FLT1: variants seen among roughly 807,000 people sequenced by gnomAD.
The protein encoded by FLT1 is fms related receptor tyrosine kinase 1.
FLT1 carries 49 observed loss-of-function variants against 156.3 expected under a neutral mutation model. The observed-to-expected ratio is 0.31, with a 90% CI of 0.25 to 0.40. The LOEUF (loss-of-function observed/expected upper bound fraction) is 0.40, where lower values mean the gene tolerates loss of function less well. Among genes scored for constraint, FLT1 ranks in the 10% least tolerant of loss-of-function variants. FLT1 has a pLI of 1.00. For missense variants in FLT1, 1,322 were observed against 1,637.2 expected (o/e 0.81, Z 3.32); for synonymous variants, 594 against 583.8 (o/e 1.02, Z -0.25).
At chr13:28,307,873 G>A (rs767714813) in intron 28 of FLT1, among the ~76,000 whole-genome samples, 3 of 151,976 alleles carry the variant, frequency 2.0e-5, no homozygotes, top group South Asian at 4.2e-4. Flanking sequence ...CCGGGTTCAC[G>A]CCATTCTCCT....
chr13:28,433,816 C>A lies in FLT1; in HGVS notation c.813+3G>T. ...AGAAGAAATAGAAAAATGGGTCACTCACTTCATCAGGGTAACTCCAGGTCA... is the reference window on the plus strand; with the variant it reads ...AGAAGAAATAGAAAAATGGGTCACTAACTTCATCAGGGTAACTCCAGGTCA... On this transcript the variant is annotated splice_donor_region_variant and intron_variant, in intron 6 of 29. Transcript: ENST00000282397. The A allele has an allele frequency of 6.2e-7, 1 of 1,613,734 alleles. No individual in the cohort carries two copies. The highest frequency in any genetic ancestry group is 1.1e-5 in the South Asian group (1 of 91,064).
chr13:28,316,505 G>T (rs1271418659), intron 25 of FLT1, among the ~76,000 whole-genome samples: 1 of 152,108 alleles, frequency 6.6e-6, no homozygotes, highest in Admixed American at 6.5e-5. Flanking sequence ...CATCCACAAA[G>T]CCCCAGGAAA....
At chr13:28,401,878 A>G (rs988174288) in intron 11 of FLT1, among the ~76,000 whole-genome samples, 2 of 152,238 alleles carry the variant, frequency 1.3e-5, no homozygotes, top group African/African-American at 4.8e-5. Context: ...TTGCTAACAC[A>G]TTAAAATGGT....
chr13:28,310,103 T>C (rs1485844609), intron 27 of FLT1, among the ~76,000 whole-genome samples: 1 of 152,146 alleles, frequency 6.6e-6, no homozygotes, highest in Non-Finnish European at 1.5e-5. Flanking sequence ...TTGGCCAGGC[T>C]GGTCTTGAAC....
chr13:28,387,925 A>G, intron 13 of FLT1: 1 of 1,061,734 alleles, frequency 9.4e-7, no homozygotes, highest in East Asian at 5.1e-5. Context: ...GTAAATACTA[A>G]CATCCTCCCC....
chr13:28,344,022 G>A (rs1296335128), intron 16 of FLT1, among the ~76,000 whole-genome samples: 1 of 143,048 alleles, frequency 7.0e-6, no homozygotes, highest in African/African-American at 2.5e-5. Context: ...CCACCACCCG[G>A]GTCCATTCTT....
intron 1 of FLT1, among the ~76,000 whole-genome samples, chr13:28,482,436 A>G (rs1880913531): frequency 6.6e-6 from 1 of 152,102 alleles, no homozygotes; most frequent in Non-Finnish European, 1.5e-5. Context: ...CTCAAAAAAA[A>G]GCCTGGACAA....
chr13:28,345,213 C>G (rs913006666), intron 16 of FLT1, among the ~76,000 whole-genome samples: 1 of 152,124 alleles, frequency 6.6e-6, no homozygotes, highest in African/African-American at 2.4e-5. Flanking sequence ...TACCTTCTGT[C>G]CCTGAGAAGT....
intron 17 of FLT1, among the ~76,000 whole-genome samples, chr13:28,337,117 G>A (rs2138849070): frequency 6.6e-6 from 1 of 151,466 alleles, no homozygotes. Flanking sequence ...ATTTATAGAA[G>A]CTGAATTCCC....
At chr13:28,384,448 C>CAA (rs79860949) in intron 14 of FLT1, among the ~76,000 whole-genome samples, 904 of 60,214 alleles carry the variant, frequency 0.015, 24 homozygotes, top group African/African-American at 0.047. Flanking sequence ...GACTCCATCT[C>CAA]AAAAAAAAAA....
At chr13:28,451,007 A>G (rs1878900165) in intron 3 of FLT1, among the ~76,000 whole-genome samples, 1 of 152,200 alleles carries the variant, frequency 6.6e-6, no homozygotes, top group Admixed American at 6.5e-5. Context: ...GGGACTAGAA[A>G]TGGGAAGCAA....
chr13:28,309,357 C>CTAA (rs11267512), intron 27 of FLT1, among the ~76,000 whole-genome samples: 1 of 152,016 alleles, frequency 6.6e-6, no homozygotes, highest in African/African-American at 2.4e-5. Flanking sequence ...TATTTAATGG[C>CTAA]ATAATCGAGT....
At chr13:28,413,764 A>G (rs1470318595) in intron 10 of FLT1, among the ~76,000 whole-genome samples, 1 of 152,234 alleles carries the variant, frequency 6.6e-6, no homozygotes, top group East Asian at 1.9e-4. Context: ...CTTCTTATTT[A>G]GTGGTCAATA....
At chr13:28,422,268 T>A (rs899840745) in intron 10 of FLT1, among the ~76,000 whole-genome samples, 1 of 151,566 alleles carries the variant, frequency 6.6e-6, no homozygotes, top group Admixed American at 6.6e-5. Flanking sequence ...AGATAGCTTA[T>A]AAAGAAAACG....
chr13:28,363,652 C>T (rs900367617), intron 14 of FLT1, among the ~76,000 whole-genome samples: 1 of 151,314 alleles, frequency 6.6e-6, no homozygotes, highest in Admixed American at 6.6e-5. Context: ...GTGTTGCTGT[C>T]GCCCAGGCTG....
chr13:28,449,858 G>A (rs1181603127), intron 3 of FLT1, among the ~76,000 whole-genome samples: 1 of 152,198 alleles, frequency 6.6e-6, no homozygotes, highest in African/African-American at 2.4e-5. Flanking sequence ...TATAACAGCA[G>A]ATCGAACAGC....
intron 18 of FLT1, 40 bp downstream of exon 18, chr13:28,333,985 G>T: frequency 8.3e-7 from 1 of 1,207,470 alleles, no homozygotes; most frequent in African/African-American, 1.5e-5. Context: ...AATGCAAAAT[G>T]GTGATGGGTC....
chr13:28,306,623 A>G, intron 29 of FLT1, 55 bp downstream of exon 29: 1 of 1,219,378 alleles, frequency 8.2e-7, no homozygotes, highest in African/African-American at 1.5e-5. Context: ...TTCCCCCAGC[A>G]TCTCCCCTCG....
chr13:28,309,976 G>A (rs1432393550), intron 27 of FLT1, among the ~76,000 whole-genome samples: 6 of 124,202 alleles, frequency 4.8e-5, no homozygotes, highest in Non-Finnish European at 7.9e-5. Flanking sequence ...TGAAACCTCC[G>A]CCTCCCTGGT....
Sources: gnomAD v4.1 joint callset for allele counts (sites outside exome capture counted in the v4.1 genomes callset) on GRCh38, gnomAD v4.1.1 for gene constraint, MANE v1.5 for transcripts, NCBI Gene and HGNC (gene_info 2026-07-23, HGNC 2026-07-21) for gene names.